Variants in PTCHD4 observed in about 807,000 individuals in gnomAD.
PTCHD4 encodes the protein patched domain containing 4.
In PTCHD4, 33 loss-of-function variants were observed where a neutral mutation model predicts 58.1. The observed-to-expected ratio is 0.57, with a 90% CI of 0.43 to 0.76. The LOEUF (loss-of-function observed/expected upper bound fraction) is 0.76. PTCHD4 is among the 30% of genes least tolerant of loss of function. The probability of loss-of-function intolerance (pLI) is 0.00; values close to 1 mark genes in which losing one functional copy is unlikely to be tolerated. For synonymous variants in PTCHD4, 478 were observed against 409.6 expected, an observed-to-expected ratio of 1.17 and a Z score of -2.02; for missense variants, 1,058 against 1,027.1, an observed-to-expected ratio of 1.03 and a Z score of -0.41.
intron 1 of PTCHD4, among the ~76,000 whole-genome samples, chr6:48,090,054 A>G (rs1765334889): frequency 3.3e-5 from 5 of 152,208 alleles, no homozygotes; most frequent in Admixed American, 2.0e-4. Flanking sequence ...CTAGATGTAG[A>G]CTATGCAATA....
intron 3 of PTCHD4, among the ~76,000 whole-genome samples, chr6:48,066,247 T>C (rs1347313257): frequency 6.6e-6 from 1 of 152,102 alleles, no homozygotes; most frequent in Non-Finnish European, 1.5e-5. Flanking sequence ...GCACAACAAA[T>C]GATTATTAAA....
At chr6:47,932,866 A>G (rs1334535707) in intron 4 of PTCHD4, among the ~76,000 whole-genome samples, 5 of 152,226 alleles carry the variant, frequency 3.3e-5, no homozygotes, top group Admixed American at 2.0e-4. Flanking sequence ...GGGTAATAAA[A>G]TAATTCACCT....
chr6:47,913,388 T>C (rs998076197), intron 4 of PTCHD4, among the ~76,000 whole-genome samples: 5 of 152,072 alleles, frequency 3.3e-5, no homozygotes, highest in African/African-American at 4.8e-5. Context: ...TTCTTTTGAT[T>C]TGGGTGACTT....
chr6:47,973,221 GTGTA>G (rs1767580039), intron 4 of PTCHD4, among the ~76,000 whole-genome samples: 2 of 152,152 alleles, frequency 1.3e-5, no homozygotes, highest in South Asian at 4.1e-4. Context: ...AAAGATACAT[GTGTA>G]TGTGTTTCAT....
At chr6:48,056,886 T>C (rs1764424259) in intron 3 of PTCHD4, among the ~76,000 whole-genome samples, 1 of 152,234 alleles carries the variant, frequency 6.6e-6, no homozygotes, top group Non-Finnish European at 1.5e-5. Context: ...TTCTGCAAGC[T>C]CTCATGGTGC....
intron 3 of PTCHD4, among the ~76,000 whole-genome samples, chr6:48,066,532 A>G (rs191014115): frequency 3.0e-4 from 45 of 152,362 alleles, no homozygotes; most frequent in African/African-American, 9.9e-4. Context: ...AAAAGAGTAT[A>G]GGTTAGGAAG....
Position 47,989,541 on chromosome 6 carries a change from A to C in PTCHD4, c.898+19093T>G, listed in dbSNP as rs984044093. On this transcript the variant is annotated intron_variant, in intron 4 of 4. Coordinates refer to ENST00000339488, the MANE Select transcript of PTCHD4 (RefSeq NM_001384253.1). The stretch of plus-strand genomic sequence containing the variant: ...GAAGTCTAGGTACTTGGTTCCCTGC[A>C]TCTCAGCCACTCCAGCTGTGACTAA... Among the ~76,000 whole-genome samples, 5 of 152,130 alleles carry C rather than the reference A, an allele frequency of 3.3e-5. 1 individual carries two copies. Among genetic ancestry groups the C allele is most frequent in the African/African-American group, 1.2e-4 (5 of 41,432 alleles).
At chr6:48,098,379 C>T (rs954167827) in intron 1 of PTCHD4, among the ~76,000 whole-genome samples, 4 of 119,674 alleles carry the variant, frequency 3.3e-5, no homozygotes, top group Non-Finnish European at 5.4e-5. Flanking sequence ...CGCTCTGTTG[C>T]CTAGGCTGGA....
chr6:48,092,463 G>T (rs1289238900), intron 1 of PTCHD4, among the ~76,000 whole-genome samples: 1 of 152,200 alleles, frequency 6.6e-6, no homozygotes, highest in African/African-American at 2.4e-5. Flanking sequence ...ATAATAAGCT[G>T]TGGTGAAATA....
At chr6:47,899,950 C>A (rs1424122070) in intron 4 of PTCHD4, 1 of 152,192 alleles carries the variant, frequency 6.6e-6, no homozygotes, top group Non-Finnish European at 1.5e-5. Context: ...CATATTGGAG[C>A]ATGTATCAGT....
In PTCHD4 at chr6:47,901,675, A is replaced by G. The variant is rs538898750; in HGVS notation, c.899-21739T>C. The G allele has an allele frequency of 1.2e-4, 138 of 1,154,912 alleles. No homozygotes were observed. In the African/African-American group the frequency reaches 2.1e-3, roughly 18 times the overall value. The allele number at this position is 1,154,912 out of a possible 1,614,324, so 71.5% of individuals were successfully genotyped here. A position where few individuals can be genotyped will look rare whatever the true frequency, so the allele number is the denominator to read the frequency against. ...TGTTAAGCACAGGGAGGAAAGAAAT[A>G]CCTGGAGGATACTTAACCTCCAAAA... is the stretch of plus-strand genomic sequence containing the variant. On this transcript the variant is annotated intron_variant, in intron 4 of 4. Coordinates refer to ENST00000339488, the MANE Select transcript of PTCHD4 (RefSeq NM_001384253.1).
rs780252753 is a variant in PTCHD4, at chr6:47,859,669, A to G, written c.*18634T>C. ...TATCTCTGCCCCCTTAGAGCTTTCA[A>G]TTTACTGGGGACAGACAGACAATAA... On this transcript the variant is annotated 3_prime_UTR_variant, in exon 5 of 5. Coordinates refer to ENST00000339488, the MANE Select transcript of PTCHD4 (RefSeq NM_001384253.1). Among the ~76,000 whole-genome samples, 8 of 152,008 alleles carry G rather than the reference A, an allele frequency of 5.3e-5. No homozygotes were observed. Among genetic ancestry groups the G allele is most frequent in the Non-Finnish European group, 8.8e-5 (6 of 67,984 alleles).
chr6:47,969,082 TC>T (rs1767406088), intron 4 of PTCHD4, among the ~76,000 whole-genome samples: 1 of 152,202 alleles, frequency 6.6e-6, no homozygotes, highest in African/African-American at 2.4e-5. Context: ...TTGCTAAAAT[TC>T]TTGCTTTAAA....
At chr6:48,071,435 A>G (rs767177021) in intron 1 of PTCHD4, among the ~76,000 whole-genome samples, 3 of 152,348 alleles carry the variant, frequency 2.0e-5, no homozygotes, top group Non-Finnish European at 4.4e-5. Flanking sequence ...TAAAAAATAT[A>G]CACATAGAAA....
At chr6:47,938,656 G>A (rs1014929088) in intron 4 of PTCHD4, among the ~76,000 whole-genome samples, 3 of 152,186 alleles carry the variant, frequency 2.0e-5, no homozygotes, top group African/African-American at 7.2e-5. Flanking sequence ...ATTCAGGTAT[G>A]TGGTAATGAA....
intron 3 of PTCHD4, among the ~76,000 whole-genome samples, chr6:48,030,793 G>A (rs1193912065): frequency 6.6e-6 from 1 of 152,094 alleles, no homozygotes; most frequent in Non-Finnish European, 1.5e-5. Flanking sequence ...CTTCTCTACT[G>A]ACTGCCCTCT....
At position 48,079,959 on chromosome 6, in the gene PTCHD4, C is replaced by CCCTTATGA. The variant is rs549963795; in HGVS notation, c.-969-10041_-969-10034dup. 4.8e-5 allele frequency among the ~76,000 whole-genome samples: 7 copies of CCCTTATGA among 147,226 alleles called. No homozygotes were observed. The South Asian group carries it at 1.6e-3, about 33-fold the overall frequency. ...GCTCTTATACAATTCAAAACCCTGC[C>CCCTTATGA]CCTTATGATGATTTTTTTTTTTTTT... is the stretch of plus-strand genomic sequence containing the variant. On this transcript the variant is annotated intron_variant, in intron 1 of 4. Transcript: ENST00000339488.
rs1190923602 is a variant in PTCHD4, at chr6:47,874,827, G to A, written c.*3476C>T. On this transcript the variant is annotated 3_prime_UTR_variant, in exon 5 of 5. Coordinates refer to ENST00000339488, the MANE Select transcript of PTCHD4 (RefSeq NM_001384253.1). ...TTCATAGTAACTGCAAGAATTCCTGGGAAGACATCTAAACATGACTTTCAT... is the reference window on the plus strand; with the variant it reads ...TTCATAGTAACTGCAAGAATTCCTGAGAAGACATCTAAACATGACTTTCAT... 6.6e-6 allele frequency among the ~76,000 whole-genome samples: 1 copy of A among 151,688 alleles called. No homozygotes were observed. The highest frequency in any genetic ancestry group is 6.6e-5 in the Admixed American group (1 of 15,214).
intron 4 of PTCHD4, among the ~76,000 whole-genome samples, chr6:47,997,873 T>C (rs1372614512): frequency 1.3e-5 from 2 of 152,218 alleles, no homozygotes; most frequent in African/African-American, 4.8e-5. Flanking sequence ...TATCTTATCT[T>C]TCTCTGCCAA....
Sources: gnomAD v4.1 joint callset for allele counts (sites outside exome capture counted in the v4.1 genomes callset) on GRCh38, gnomAD v4.1.1 for gene constraint, MANE v1.5 for transcripts, NCBI Gene and HGNC (gene_info 2026-07-23, HGNC 2026-07-21) for gene names.